Variants in ADAMTS7 observed in about 807,000 individuals in gnomAD.
The protein encoded by ADAMTS7 is A disintegrin and metalloproteinase with thrombospondin motifs 7.
A neutral mutation model predicts 172.6 loss-of-function variants in ADAMTS7; 89 were observed. The ratio of observed to expected loss-of-function variants is 0.52; its 90% CI spans 0.43 to 0.61. The LOEUF is 0.61. ADAMTS7 is among the 20% of genes least tolerant of loss of function. ADAMTS7 has a pLI of 0.00. For synonymous variants in ADAMTS7, 885 were observed against 978.4 expected (o/e 0.90, Z 1.78); for missense variants, 1,973 against 2,355.6 (o/e 0.84, Z 3.36).
chr15:78,782,357 A>G (rs1053298079), intron 8 of ADAMTS7, among the ~76,000 whole-genome samples: 1 of 147,968 alleles, frequency 6.8e-6, no homozygotes, highest in Non-Finnish European at 1.5e-5. Context: ...CACCAAACAA[A>G]ACTCTTCTCT....
In ADAMTS7 at chr15:78,772,417, A is replaced by G. The variant is rs57945790; in HGVS notation, c.2132-588T>C. On this transcript the variant is annotated intron_variant, in intron 14 of 23. Coordinates refer to ENST00000388820, the MANE Select transcript of ADAMTS7 (RefSeq NM_014272.5). ...CCACACTGCACTGCATCTCTGGGAG[A>G]AAATCTAAGCTTCTCAGCCTGGCAC... 0.028 allele frequency among the ~76,000 whole-genome samples: 4,325 copies of G among 152,130 alleles called. 544 individuals carry two copies. In the East Asian group the frequency reaches 0.36, roughly 13 times the overall value.
intron 5 of ADAMTS7, 138 bp downstream of exon 5, chr15:78,791,001 AG>A: frequency 4.1e-6 from 5 of 1,219,972 alleles, no homozygotes; most frequent in South Asian, 1.4e-5. Context: ...GTCAGGAACC[AG>A]GGGGTGGCAG....
chr15:78,767,486 C>A lies in ADAMTS7; in HGVS notation c.2752G>T (p.Ala918Ser), dbSNP rs2055175693. 6.2e-7 allele frequency: 1 copy of A among 1,610,722 alleles called. No individual in the cohort carries two copies. Among genetic ancestry groups the A allele is most frequent in the Admixed American group, 1.7e-5 (1 of 59,906 alleles). Residue 918 changes from alanine (A) to serine (S), a missense_variant, in exon 18 of 24, where the codon GCC becomes TCC. This residue lies in a region of ADAMTS7 where 771 missense variants were observed against 952.6 expected (regional missense o/e 0.81). Coordinates refer to ENST00000388820, the MANE Select transcript of ADAMTS7 (RefSeq NM_014272.5). ...TGTTCACAGGCGGGTGGCTCCAGGG[C>A]GCTCTGCTCATCCAGCCCCACGCTG... ...IRSVGLDEQSALEPPACEHLP... is the reference protein window; with the variant it reads ...IRSVGLDEQSSLEPPACEHLP...
Position 78,764,069 on chromosome 15 carries a change from C to A in ADAMTS7, c.4450G>T (p.Val1484Leu). 1 of 1,531,202 alleles carries A rather than the reference C, an allele frequency of 6.5e-7. No homozygotes were observed. Among genetic ancestry groups the A allele is most frequent in the Non-Finnish European group, 8.8e-7 (1 of 1,136,264 alleles). The allele number at this position is 1,531,202 out of a possible 1,614,324, so 94.9% of individuals were successfully genotyped here. A position where few individuals can be genotyped will look rare whatever the true frequency, so the allele number is the denominator to read the frequency against. The stretch of plus-strand genomic sequence containing the variant: ...GTGTCCACACACTGCACGTCCCGCA[C>A]TGAGGAACCTCCGCCGCAGCTGCGG... Reference protein sequence around the residue: ...CSRSCGGGSSVRDVQCVDTRD... With the variant: ...CSRSCGGGSSLRDVQCVDTRD... Residue 1484 changes from valine (V) to leucine (L), a missense_variant, in exon 21 of 24, where the codon GTG becomes TTG. Val to Leu is a conservative substitution (Grantham distance 32). Coordinates refer to ENST00000388820, the MANE Select transcript of ADAMTS7 (RefSeq NM_014272.5).
chr15:78,774,496 A>G lies in ADAMTS7; in HGVS notation c.1876+128T>C, dbSNP rs2055305857. The G allele has an allele frequency of 7.4e-6, 11 of 1,477,686 alleles. No individual in the cohort carries two copies. The Admixed American group carries it at 2.0e-4, about 27-fold the overall frequency. The allele number at this position is 1,477,686 out of a possible 1,614,324, so 91.5% of individuals were successfully genotyped here. ...GGAGCTAGGGGCGAGCAGCAGCCCC[A>G]GGGGACAGTGGGAGTGGCCCAGGCT... On this transcript the variant is annotated intron_variant, in intron 12 of 23. Coordinates refer to ENST00000388820, the MANE Select transcript of ADAMTS7 (RefSeq NM_014272.5).
intron 14 of ADAMTS7, among the ~76,000 whole-genome samples, chr15:78,772,138 C>T (rs2055261975): frequency 6.6e-6 from 1 of 152,160 alleles, no homozygotes; most frequent in East Asian, 1.9e-4. Flanking sequence ...CCAAAGTGCC[C>T]AGGCCTTTCT....
intron 1 of ADAMTS7, among the ~76,000 whole-genome samples, chr15:78,809,906 G>A (rs1177546642): frequency 1.3e-5 from 2 of 152,254 alleles, no homozygotes; most frequent in African/African-American, 4.8e-5. Context: ...AACCCGTGAG[G>A]CTGGCACACA....
intron 1 of ADAMTS7, among the ~76,000 whole-genome samples, chr15:78,805,806 C>T (rs950703238): frequency 2.6e-5 from 4 of 152,090 alleles, no homozygotes; most frequent in African/African-American, 4.8e-5. Context: ...AATGGCCAGA[C>T]GCAGTGCCTC....
rs370914618 is a variant in ADAMTS7 at position 78,773,698 on chromosome 15, A to G, written c.2010+469T>C. The stretch of plus-strand genomic sequence containing the variant: ...GAGGCCGTCATTGTTATTAAAAATA[A>G]GAATAGAAATTGTTACCACACACTG... On this transcript the variant is annotated intron_variant, in intron 13 of 23. Transcript: ENST00000388820. Among the ~76,000 whole-genome samples, 9 of 152,250 alleles carry G rather than the reference A, an allele frequency of 5.9e-5. No individual in the cohort carries two copies. The East Asian group carries it at 9.7e-4, about 16-fold the overall frequency.
rs2929155 is a variant in ADAMTS7, at chr15:78,765,671, C to T, written c.4240G>A (p.Gly1414Ser). 1,163,272 of 1,574,416 alleles carry T rather than the reference C, an allele frequency of 0.74. 435,402 individuals are homozygous for T. The highest frequency in any genetic ancestry group is 0.77 in the Non-Finnish European group (886,494 of 1,158,726). ...TCGCTCCAGTTTCCCGCTTGCCAGC[C>T]GGCGTTCCTGACAACCAACGGGTCC... ...PADPLVVRNA[G>S]WQAGNWSECS... Residue 1414 changes from glycine (G) to serine (S), a missense_variant, in exon 19 of 24, where the codon GGC (glycine) becomes AGC (serine). Coordinates refer to ENST00000388820, the MANE Select transcript of ADAMTS7 (RefSeq NM_014272.5).
intron 8 of ADAMTS7, among the ~76,000 whole-genome samples, chr15:78,780,538 C>T (rs1216121047): frequency 2.6e-5 from 4 of 151,716 alleles, no homozygotes; most frequent in Non-Finnish European, 4.4e-5. Flanking sequence ...TCCCCTCCTC[C>T]CCACCCAGGT....
intron 23 of ADAMTS7, among the ~76,000 whole-genome samples, chr15:78,759,891 C>T (rs181815836): frequency 0.01 from 1,593 of 151,782 alleles, 11 homozygotes; most frequent in East Asian, 0.016. Flanking sequence ...CGCCTTGCCA[C>T]CCCATCTCCA....
chr15:78,779,851 G>A (rs2055405077), intron 8 of ADAMTS7, among the ~76,000 whole-genome samples: 1 of 151,444 alleles, frequency 6.6e-6, no homozygotes, highest in Admixed American at 6.6e-5. Flanking sequence ...CGCTGCACAT[G>A]TGGCTCCTGC....
At chr15:78,779,542 G>A (rs2055400608) in intron 8 of ADAMTS7, among the ~76,000 whole-genome samples, 1 of 152,172 alleles carries the variant, frequency 6.6e-6, no homozygotes, top group Admixed American at 6.5e-5. Context: ...CCATGGCAGC[G>A]AGACCTGGTG....
chr15:78,794,354 G>C (rs770319042), intron 4 of ADAMTS7, among the ~76,000 whole-genome samples: 1 of 152,248 alleles, frequency 6.6e-6, no homozygotes, highest in Non-Finnish European at 1.5e-5. Flanking sequence ...ACCCACCAGG[G>C]CCTTAGGCCG....
rs1004482696 is a variant in ADAMTS7 at position 78,796,494 on chromosome 15, G to A, written c.819+96C>T. 89 of 1,416,548 alleles carry A rather than the reference G, an allele frequency of 6.3e-5. 1 individual carries two copies. Among genetic ancestry groups the A allele is most frequent in the Non-Finnish European group, 8.3e-5 (86 of 1,034,626 alleles). 87.7% of individuals were successfully genotyped at this position (1,416,548 alleles called of 1,614,324 possible). ...ACTTGGGGCCTAGACCTGGGTCTGG[G>A]GTCCAGCCTGACAGCCTTCCTGCCC... On this transcript the variant is annotated intron_variant, in intron 4 of 23. Coordinates refer to ENST00000388820, the MANE Select transcript of ADAMTS7 (RefSeq NM_014272.5).
At position 78,800,511 on chromosome 15, in the gene ADAMTS7, AC is replaced by A; in HGVS notation, c.136del (p.Val46CysfsTer50). 6.2e-7 allele frequency: 1 copy of A among 1,606,796 alleles called. No homozygotes were observed. Among genetic ancestry groups the A allele is most frequent in the Non-Finnish European group, 8.5e-7 (1 of 1,177,298 alleles). ...CCCCGCGTCGACTCGAACCGGGTGC[AC>A]GATGTCCAGTGCCGCCCGGCCCTCG... ...ATEGRAALDI[V>X]HPVRVDAGGS... On this transcript the variant is annotated frameshift_variant, in exon 2 of 24. Transcript: ENST00000388820. LOFTEE classifies it high-confidence loss of function.
Position 78,764,014 on chromosome 15 carries a change from T to C in ADAMTS7, c.4505A>G (p.His1502Arg), listed in dbSNP as rs1428247053. Residue 1502 changes from histidine to arginine, a missense_variant, in exon 21 of 24, where the codon CAT (histidine) becomes CGT (arginine). Physicochemically the swap from His to Arg is conservative, Grantham distance 29 (BLOSUM62 0). Transcript: ENST00000388820. ...CGGCTTGGCAGGCCCGGGCTGACAA[T>C]GGAAGGGCCGCAGTGGCCGGAGGTC... ...TRDLRPLRPFHCQPGPAKPPA... is the reference protein window; with the variant it reads ...TRDLRPLRPFRCQPGPAKPPA... 1 of 1,542,580 alleles carries C rather than the reference T, an allele frequency of 6.5e-7. No individual in the cohort carries two copies. Among genetic ancestry groups the C allele is most frequent in the Admixed American group, 2.0e-5 (1 of 50,418 alleles).
chr15:78,767,570 G>A lies in ADAMTS7; in HGVS notation c.2668C>T (p.Leu890=). The part of the protein sequence containing the change: ...PARWWAGEWQ[L]CSSSCGPGGL... ...CCAGGCCCGCAGGAGCTGGAGCACA[G>A]CTGCCACTCACCTGCCCACCACCTG... Residue 890 remains leucine, a synonymous_variant, in exon 18 of 24, where the codon CTG becomes TTG. Transcript: ENST00000388820. The A allele has an allele frequency of 3.9e-6, 6 of 1,552,184 alleles. No homozygotes were observed. The highest frequency in any genetic ancestry group is 5.2e-6 in the Non-Finnish European group (6 of 1,148,548).
Sources: allele counts gnomAD v4.1 joint callset (sites outside exome capture counted in the v4.1 genomes callset), GRCh38; gene constraint gnomAD v4.1.1; regional missense constraint gnomAD v4.1.1; transcripts MANE v1.5; gene names NCBI Gene and HGNC (gene_info 2026-07-23, HGNC 2026-07-21).